The following TFDP2 variants were observed in gnomAD, a reference collection of about 807,000 sequenced individuals.
TFDP2 encodes the protein transcription factor Dp-2.
A neutral mutation model predicts 59.3 loss-of-function variants in TFDP2; 17 were observed. The observed-to-expected ratio is 0.29, with a 90% CI of 0.20 to 0.43. TFDP2 has a LOEUF of 0.43. TFDP2 is among the 20% of genes least tolerant of loss of function. TFDP2 has a pLI of 1.00. For missense variants in TFDP2, 391 were observed against 528.8 expected (o/e 0.74, Z 2.56); for synonymous variants, 180 against 194.7 (o/e 0.92, Z 0.63).
chr3:141,978,691 GA>G lies in TFDP2; in HGVS notation c.357-10del. The G allele has an allele frequency of 1.3e-6, 2 of 1,588,078 alleles. No individual in the cohort carries two copies. Among genetic ancestry groups the G allele is most frequent in the Admixed American group, 1.9e-5 (1 of 53,372 alleles). ...CTTTTTTGCTTCGTTTACTAGAAGG[GA>G]AAAAAGTTTTTTTTACTCCATTATA... is the stretch of plus-strand genomic sequence containing the variant. On this transcript the variant is annotated splice_polypyrimidine_tract_variant and intron_variant, in intron 6 of 12. Coordinates refer to ENST00000489671, the MANE Select transcript of TFDP2 (RefSeq NM_001178139.2).
At chr3:142,072,047 T>G (rs2060266565) in intron 3 of TFDP2, among the ~76,000 whole-genome samples, 1 of 152,058 alleles carries the variant, frequency 6.6e-6, no homozygotes, top group Non-Finnish European at 1.5e-5. Context: ...GAAGAAAACC[T>G]AAGACCATGG....
intron 3 of TFDP2, among the ~76,000 whole-genome samples, chr3:142,023,359 T>C (rs529484232): frequency 3.0e-4 from 46 of 151,290 alleles, no homozygotes; most frequent in African/African-American, 1.0e-3. Flanking sequence ...TTTTTTTTTT[T>C]CTTGTATTTT....
intron 3 of TFDP2, among the ~76,000 whole-genome samples, chr3:142,092,603 G>C (rs2061031677): frequency 6.6e-6 from 1 of 152,112 alleles, no homozygotes; most frequent in Non-Finnish European, 1.5e-5. Flanking sequence ...ACAGGTGTGA[G>C]CCACTGCACC....
chr3:142,057,285 G>A (rs544977883), intron 3 of TFDP2, among the ~76,000 whole-genome samples: 3 of 152,210 alleles, frequency 2.0e-5, no homozygotes, highest in African/African-American at 4.8e-5. Context: ...TTTTAAAGAC[G>A]AAATTTAAAA....
rs1000451302 is a variant in TFDP2, at chr3:141,970,379, T to G, written c.664-238A>C. ...ATGAAATCATACACTTAATGAATAC[T>G]TGTTAGCAGTACTTGTTGCAATTAT... On this transcript the variant is annotated intron_variant, in intron 8 of 12. Transcript: ENST00000489671. Among the ~76,000 whole-genome samples the G allele has an allele frequency of 2.0e-4, 31 of 152,246 alleles. 1 individual carries two copies. The highest frequency in any genetic ancestry group is 2.0e-3 in the Admixed American group (30 of 15,278).
chr3:142,002,319 T>TTTG (rs1560010505), intron 4 of TFDP2, among the ~76,000 whole-genome samples: 1 of 123,976 alleles, frequency 8.1e-6, no homozygotes, highest in East Asian at 2.3e-4. Context: ...TTTTTAGTGT[T>TTTG]TTTTTTTTTT....
chr3:142,022,706 A>G (rs1309068349), intron 3 of TFDP2, among the ~76,000 whole-genome samples: 1 of 152,228 alleles, frequency 6.6e-6, no homozygotes, highest in Non-Finnish European at 1.5e-5. Context: ...AGAAGCTCAC[A>G]GTCCGAGAGG....
intron 2 of TFDP2, among the ~76,000 whole-genome samples, chr3:142,099,630 G>T (rs929427219): frequency 6.6e-6 from 1 of 151,724 alleles, no homozygotes; most frequent in African/African-American, 2.4e-5. Flanking sequence ...AACCTGGGAG[G>T]CAGAGGTTGC....
At chr3:142,008,307 C>T (rs912447193) in intron 3 of TFDP2, among the ~76,000 whole-genome samples, 1 of 151,950 alleles carries the variant, frequency 6.6e-6, no homozygotes, top group African/African-American at 2.4e-5. Flanking sequence ...ACAAACCAGT[C>T]TTTCAACTGG....
chr3:142,044,437 T>G (rs1029300052), intron 3 of TFDP2, among the ~76,000 whole-genome samples: 3 of 152,040 alleles, frequency 2.0e-5, no homozygotes, highest in African/African-American at 7.2e-5. Flanking sequence ...GGTTTCATCA[T>G]GTTGGCCAGG....
intron 1 of TFDP2, among the ~76,000 whole-genome samples, chr3:142,111,393 A>G (rs997199399): frequency 7.1e-6 from 1 of 141,118 alleles, no homozygotes; most frequent in African/African-American, 2.7e-5. Context: ...GTGCCACTGC[A>G]CTCCGGCCTG....
chr3:142,004,135 G>A (rs1944037365), intron 4 of TFDP2, among the ~76,000 whole-genome samples: 1 of 152,144 alleles, frequency 6.6e-6, no homozygotes, highest in African/African-American at 2.4e-5. Flanking sequence ...ACCTTGAAAT[G>A]AGGGCTCTTA....
At chr3:142,133,036 G>A (rs1488077490) in intron 1 of TFDP2, among the ~76,000 whole-genome samples, 1 of 149,722 alleles carries the variant, frequency 6.7e-6, no homozygotes, top group Non-Finnish European at 1.5e-5. Context: ...AAGAATAACA[G>A]GAAAGTACTA....
At chr3:142,119,143 A>G (rs772916777) in intron 1 of TFDP2, among the ~76,000 whole-genome samples, 96 of 152,322 alleles carry the variant, frequency 6.3e-4, no homozygotes, top group Non-Finnish European at 1.0e-3. Context: ...ACTGGGTGAA[A>G]GAGCAAGACA....
rs1285989973 is a variant in TFDP2, at chr3:141,944,735, C to G, written c.*7778G>C. 1.3e-5 allele frequency: 2 copies of G among 152,236 alleles called. No individual in the cohort carries two copies. The highest frequency in any genetic ancestry group is 1.3e-4 in the Admixed American group (2 of 15,286). 9.4% of individuals were successfully genotyped at this position (152,236 alleles called of 1,614,324 possible). ...GCCTGGAACCACCCTTAGTGGAACACTGCTTAGGACTTGTCTGTTATCTAC... is the reference window on the plus strand; with the variant it reads ...GCCTGGAACCACCCTTAGTGGAACAGTGCTTAGGACTTGTCTGTTATCTAC... On this transcript the variant is annotated 3_prime_UTR_variant, in exon 13 of 13. Coordinates refer to ENST00000489671, the MANE Select transcript of TFDP2 (RefSeq NM_001178139.2).
chr3:142,055,372 T>C (rs977739771), intron 3 of TFDP2, among the ~76,000 whole-genome samples: 3 of 152,188 alleles, frequency 2.0e-5, no homozygotes, highest in Non-Finnish European at 4.4e-5. Context: ...GGACATATGG[T>C]AGCCCCAGGA....
chr3:142,019,619 T>C (rs1201276256), intron 3 of TFDP2, among the ~76,000 whole-genome samples: 2 of 149,896 alleles, frequency 1.3e-5, no homozygotes, highest in Non-Finnish European at 1.5e-5. Context: ...TATCAGCAGT[T>C]AGAATGTATA....
At chr3:142,132,030 C>T (rs1008634424) in intron 1 of TFDP2, among the ~76,000 whole-genome samples, 2 of 135,566 alleles carry the variant, frequency 1.5e-5, no homozygotes, top group African/African-American at 2.9e-5. Context: ...AAAGTCTAAA[C>T]AAAACCTTGT....
At chr3:141,981,083 C>T (rs1159813909) in intron 6 of TFDP2, among the ~76,000 whole-genome samples, 2 of 152,096 alleles carry the variant, frequency 1.3e-5, no homozygotes, top group Non-Finnish European at 2.9e-5. Flanking sequence ...GAGCAACTTC[C>T]AGTCCTGCAA....
Sources: gnomAD v4.1 joint callset for allele counts (sites outside exome capture counted in the v4.1 genomes callset) on GRCh38, gnomAD v4.1.1 for gene constraint, MANE v1.5 for transcripts, NCBI Gene and HGNC (gene_info 2026-07-23, HGNC 2026-07-21) for gene names.